Variants in LYPLAL1 observed in about 807,000 individuals in gnomAD.
LYPLAL1 encodes lysophospholipase-like protein 1.
A neutral mutation model predicts 19.7 loss-of-function variants in LYPLAL1; 23 were observed. The ratio of observed to expected loss-of-function variants is 1.17; its 90% CI spans 0.84 to 1.65. The LOEUF is 1.65. LYPLAL1 is among the 40% of genes most tolerant of loss of function. The pLI is 0.00. For synonymous variants in LYPLAL1, 119 were observed against 96.3 expected, an observed-to-expected ratio of 1.24 and a Z score of -1.38; for missense variants, 355 against 279.4, an observed-to-expected ratio of 1.27 and a Z score of -1.93.
At chr1:219,340,023 T>C in the LYPLAL1 span, among the ~76,000 whole-genome samples, 2 of 152,046 alleles carry the variant, frequency 1.3e-5, no homozygotes, top group African/African-American at 2.4e-5. Context: ...TCTAAGACTC[T>C]CAAAAGTATA....
At chr1:219,205,826 T>C (rs1658530506) in intron 3 of LYPLAL1, among the ~76,000 whole-genome samples, 1 of 152,192 alleles carries the variant, frequency 6.6e-6, no homozygotes, top group African/African-American at 2.4e-5. Context: ...TAATTAAACA[T>C]TTTATGTTTC....
At chr1:219,289,245 T>A in the LYPLAL1 span, among the ~76,000 whole-genome samples, 18 of 152,194 alleles carry the variant, frequency 1.2e-4, no homozygotes, top group Non-Finnish European at 2.2e-4. Flanking sequence ...CGAAACCTGA[T>A]CATTACTTAG....
chr1:219,260,108 G>A, the LYPLAL1 span, among the ~76,000 whole-genome samples: 2 of 151,732 alleles, frequency 1.3e-5, no homozygotes, highest in Non-Finnish European at 2.9e-5. Context: ...TTTAAAAGAA[G>A]AAAAATGAAG....
chr1:219,218,459 AAC>A, the LYPLAL1 span, among the ~76,000 whole-genome samples: 6 of 151,978 alleles, frequency 3.9e-5, no homozygotes, highest in Non-Finnish European at 8.8e-5. Context: ...GCTTTGAATA[AAC>A]ACAGATTCAT....
the LYPLAL1 span, among the ~76,000 whole-genome samples, chr1:219,370,491 T>G: frequency 6.6e-6 from 1 of 152,148 alleles, no homozygotes; most frequent in African/African-American, 2.4e-5. Flanking sequence ...AAGGTAGAGA[T>G]ATTGAGTCTC....
At chr1:219,423,631 T>A in the LYPLAL1 span, among the ~76,000 whole-genome samples, 1 of 152,184 alleles carries the variant, frequency 6.6e-6, no homozygotes, top group Non-Finnish European at 1.5e-5. Flanking sequence ...ACATTAATGA[T>A]AGTCACTTTT....
chr1:219,241,323 C>G, the LYPLAL1 span, among the ~76,000 whole-genome samples: 1 of 151,184 alleles, frequency 6.6e-6, no homozygotes, highest in African/African-American at 2.4e-5. Context: ...GCAAGAAATA[C>G]AATTTTATTA....
At chr1:219,248,324 G>A in the LYPLAL1 span, among the ~76,000 whole-genome samples, 2 of 152,248 alleles carry the variant, frequency 1.3e-5, no homozygotes, top group East Asian at 3.9e-4. Context: ...TATGCAAGAG[G>A]ATGTTTGCCA....
At chr1:219,443,034 G>A in the LYPLAL1 span, among the ~76,000 whole-genome samples, 1 of 151,826 alleles carries the variant, frequency 6.6e-6, no homozygotes, top group Non-Finnish European at 1.5e-5. Flanking sequence ...GGGCCTCTGA[G>A]GGGAATTGTT....
downstream of LYPLAL1, among the ~76,000 whole-genome samples, chr1:219,215,712 T>C (rs571718622): frequency 7.2e-4 from 109 of 152,252 alleles, 1 homozygote; most frequent in South Asian, 0.022. Context: ...TTCCCCTCCC[T>C]GTACTGTGGA....
the LYPLAL1 span, among the ~76,000 whole-genome samples, chr1:219,324,269 G>C: frequency 6.6e-6 from 1 of 152,124 alleles, no homozygotes; most frequent in Non-Finnish European, 1.5e-5. Flanking sequence ...ATTCTTTTTG[G>C]AGGGATAAGT....
At chr1:219,399,366 C>A in the LYPLAL1 span, among the ~76,000 whole-genome samples, 2 of 152,142 alleles carry the variant, frequency 1.3e-5, no homozygotes, top group African/African-American at 2.4e-5. Flanking sequence ...AAGGCCAGGG[C>A]ACTGGTGGGG....
intron 3 of LYPLAL1, among the ~76,000 whole-genome samples, chr1:219,208,303 T>C (rs1284312701): frequency 6.6e-6 from 1 of 152,084 alleles, no homozygotes; most frequent in Non-Finnish European, 1.5e-5. Context: ...ATTTAAAAGG[T>C]TGGTGGAAAA....
At chr1:219,393,753 G>T in the LYPLAL1 span, among the ~76,000 whole-genome samples, 1 of 150,448 alleles carries the variant, frequency 6.6e-6, no homozygotes, top group African/African-American at 2.4e-5. Flanking sequence ...GTTAAATCGG[G>T]CAATAGACAA....
chr1:219,184,268 G>A (rs1656539494), intron 2 of LYPLAL1, among the ~76,000 whole-genome samples: 1 of 151,772 alleles, frequency 6.6e-6, no homozygotes, highest in Admixed American at 6.6e-5. Flanking sequence ...TTATCTACAA[G>A]TATTCTGTTT....
At chr1:219,258,071 T>C in the LYPLAL1 span, among the ~76,000 whole-genome samples, 1 of 152,098 alleles carries the variant, frequency 6.6e-6, no homozygotes, top group Non-Finnish European at 1.5e-5. Context: ...GGCTCTATTC[T>C]GCTCAACCCT....
chr1:219,188,517 TGACTG>T (rs1256933623), intron 2 of LYPLAL1, among the ~76,000 whole-genome samples: 1 of 151,622 alleles, frequency 6.6e-6, no homozygotes, highest in Non-Finnish European at 1.5e-5. Flanking sequence ...GTGACAAATG[TGACTG>T]GAACCTAGTG....
chr1:219,229,479 A>G, the LYPLAL1 span, among the ~76,000 whole-genome samples: 2 of 152,148 alleles, frequency 1.3e-5, no homozygotes, highest in South Asian at 4.2e-4. Flanking sequence ...ACTCAATAAA[A>G]CCTTGCACTA....
the LYPLAL1 span, among the ~76,000 whole-genome samples, chr1:219,323,790 A>G: frequency 4.6e-5 from 7 of 152,232 alleles, no homozygotes; most frequent in Admixed American, 6.5e-5. Context: ...CAGTTGCTTT[A>G]ATCTCCCCAG....
Sources: allele counts gnomAD v4.1 joint callset (sites outside exome capture counted in the v4.1 genomes callset), GRCh38; gene constraint gnomAD v4.1.1; transcripts MANE v1.5; gene names NCBI Gene and HGNC (gene_info 2026-07-23, HGNC 2026-07-21).